Variants in DOCK4 observed in about 807,000 individuals in gnomAD.
DOCK4 encodes dedicator of cytokinesis protein 4.
Under a neutral mutation model 268.1 loss-of-function variants are expected in DOCK4, and 97 were observed. The ratio of observed to expected loss-of-function variants is 0.36; its 90% CI spans 0.31 to 0.43. The LOEUF (loss-of-function observed/expected upper bound fraction) is 0.43, where lower values mean the gene tolerates loss of function less well. Among genes scored for constraint, DOCK4 ranks in the 20% least tolerant of loss-of-function variants. The pLI, the probability that DOCK4 is intolerant of heterozygous loss-of-function variation, is 1.00. For synonymous variants in DOCK4, 954 were observed against 887.2 expected, an observed-to-expected ratio of 1.08 and a Z score of -1.34; for missense variants, 2,145 against 2,455.7, an observed-to-expected ratio of 0.87 and a Z score of 2.67.
At chr7:112,195,641 C>T (rs903237562) in intron 1 of DOCK4, among the ~76,000 whole-genome samples, 5 of 151,940 alleles carry the variant, frequency 3.3e-5, no homozygotes, top group Admixed American at 6.6e-5. Context: ...TGCATCCCCA[C>T]GTTCCCAAAC....
intron 13 of DOCK4, among the ~76,000 whole-genome samples, chr7:111,913,000 G>C (rs920865294): frequency 3.4e-5 from 5 of 145,040 alleles, no homozygotes. Context: ...TTTCGTTCTT[G>C]TTGCCCAGGC....
At chr7:111,794,742 A>T (rs181910173) in intron 30 of DOCK4, among the ~76,000 whole-genome samples, 244 of 152,284 alleles carry the variant, frequency 1.6e-3, no homozygotes, top group Non-Finnish European at 2.7e-3. Context: ...CTTACAGAGA[A>T]GGCAGCTAAA....
At chr7:111,784,639 C>T (rs778171543) in intron 32 of DOCK4, among the ~76,000 whole-genome samples, 2 of 152,124 alleles carry the variant, frequency 1.3e-5, no homozygotes, top group African/African-American at 4.8e-5. Context: ...CTACATTTCC[C>T]CTAATCCTAA....
intron 30 of DOCK4, among the ~76,000 whole-genome samples, chr7:111,793,902 G>T (rs181702738): frequency 1.3e-5 from 2 of 152,252 alleles, no homozygotes; most frequent in Non-Finnish European, 2.9e-5. Flanking sequence ...CAGAAGTTCA[G>T]TGTGGCAGGG....
chr7:112,129,606 T>C (rs1813607932), intron 1 of DOCK4, among the ~76,000 whole-genome samples: 2 of 152,202 alleles, frequency 1.3e-5, no homozygotes, highest in South Asian at 4.1e-4. Context: ...TTGATATAAC[T>C]GTATAAGATG....
At chr7:112,181,639 C>CAAAAAAAAAAAAAAAAAAAAA (rs55807955) in intron 1 of DOCK4, among the ~76,000 whole-genome samples, 3 of 65,370 alleles carry the variant, frequency 4.6e-5, no homozygotes, top group Admixed American at 2.1e-4. Flanking sequence ...GACACTGTCT[C>CAAAAAAAAAAAAAAAAAAAAA]AAAAAAAAAA....
At chr7:112,078,224 C>G (rs1294048794) in intron 1 of DOCK4, among the ~76,000 whole-genome samples, 2 of 152,092 alleles carry the variant, frequency 1.3e-5, no homozygotes, top group Non-Finnish European at 2.9e-5. Context: ...TAGTTTACAT[C>G]TAAATCTGAG....
intron 1 of DOCK4, among the ~76,000 whole-genome samples, chr7:112,148,930 T>C (rs987045103): frequency 1.3e-5 from 2 of 152,206 alleles, no homozygotes; most frequent in African/African-American, 2.4e-5. Flanking sequence ...GCTACGATAA[T>C]GCGCCAATAG....
In DOCK4 at chr7:111,918,903, C is replaced by A. The variant is rs956270793; in HGVS notation, c.1067-2999G>T. On this transcript the variant is annotated intron_variant, in intron 12 of 52. Coordinates refer to ENST00000428084, the MANE Select transcript of DOCK4 (RefSeq NM_001363540.2). Reference sequence around the variant, plus strand: ...ATTTTTGCAAGTGAAGATCATTTTACTGGGGCTTCTCAATGAATGATCTGA... The same window carrying A: ...ATTTTTGCAAGTGAAGATCATTTTAATGGGGCTTCTCAATGAATGATCTGA... 3.3e-5 allele frequency among the ~76,000 whole-genome samples: 5 copies of A among 152,112 alleles called. No individual in the cohort carries two copies. The South Asian group carries it at 1.0e-3, about 32-fold the overall frequency.
intron 1 of DOCK4, among the ~76,000 whole-genome samples, chr7:112,063,198 GA>G (rs1806592835): frequency 1.3e-5 from 2 of 152,174 alleles, no homozygotes; most frequent in African/African-American, 2.4e-5. Context: ...AGACCATCCT[GA>G]AGATTAAAGC....
At chr7:112,125,871 T>C (rs973453133) in intron 1 of DOCK4, among the ~76,000 whole-genome samples, 1 of 152,144 alleles carries the variant, frequency 6.6e-6, no homozygotes, top group Non-Finnish European at 1.5e-5. Flanking sequence ...TACTGTGGCG[T>C]GATCATGGCT....
rs1806510939 is a variant in DOCK4, at chr7:111,872,510, C to G, written c.1799G>C (p.Cys600Ser). 3 of 1,604,466 alleles carry G rather than the reference C, an allele frequency of 1.9e-6. No individual in the cohort carries two copies. The highest frequency in any genetic ancestry group is 1.3e-5 in the African/African-American group (1 of 74,946). The change falls in exon 18 of 53, where the codon TGT becomes TCT. Residue 600 changes from cysteine (C) to serine (S), a missense_variant. Physicochemically the swap from Cys to Ser is moderately radical, Grantham distance 112 (BLOSUM62 -1). This residue lies in a region of DOCK4 where 1,598 missense variants were observed against 1,986.7 expected (regional missense o/e 0.80). Transcript: ENST00000428084. ...ATCAATTTCTTTTAATTTAGAGAGACAGCCAGTGATCTTGTCTGGGTGGGT... is the reference window on the plus strand; with the variant it reads ...ATCAATTTCTTTTAATTTAGAGAGAGAGCCAGTGATCTTGTCTGGGTGGGT... Reference protein sequence around the residue: ...WRTHPDKITGCLSKLKEIDGS... With the variant: ...WRTHPDKITGSLSKLKEIDGS...
chr7:112,190,688 T>A (rs911553521), intron 1 of DOCK4, among the ~76,000 whole-genome samples: 3 of 150,800 alleles, frequency 2.0e-5, no homozygotes, highest in East Asian at 3.9e-4. Context: ...AAAAAAAAAA[T>A]TAAAGATTTT....
intron 42 of DOCK4, 108 bp downstream of exon 42, chr7:111,755,407 G>T: frequency 9.9e-7 from 1 of 1,008,996 alleles, no homozygotes; most frequent in Non-Finnish European, 1.5e-6. Flanking sequence ...ATTTTACTAT[G>T]AGTGCTTCCA....
intron 8 of DOCK4, among the ~76,000 whole-genome samples, chr7:111,964,525 A>C (rs1797226774): frequency 8.3e-6 from 1 of 120,756 alleles, no homozygotes; most frequent in Admixed American, 8.7e-5. Flanking sequence ...AAAAGAAATG[A>C]GCAAAGCCTC....
chr7:111,801,069 G>C (rs1291981523), intron 30 of DOCK4, among the ~76,000 whole-genome samples: 1 of 152,156 alleles, frequency 6.6e-6, no homozygotes, highest in Non-Finnish European at 1.5e-5. Flanking sequence ...TAAAAACTAG[G>C]TTCATCTGAC....
intron 8 of DOCK4, among the ~76,000 whole-genome samples, chr7:111,959,929 A>G (rs1347804112): frequency 2.6e-5 from 4 of 152,216 alleles, no homozygotes; most frequent in African/African-American, 9.6e-5. Context: ...ATGCACTAGC[A>G]ATTTCAGACG....
intron 12 of DOCK4, among the ~76,000 whole-genome samples, chr7:111,934,449 A>C (rs1296077019): frequency 6.6e-6 from 1 of 151,286 alleles, no homozygotes; most frequent in Non-Finnish European, 1.5e-5. Flanking sequence ...TCAATGTGTG[A>C]ACCTGTATGT....
At chr7:111,838,863 T>G (rs1447372222) in intron 25 of DOCK4, among the ~76,000 whole-genome samples, 1 of 152,220 alleles carries the variant, frequency 6.6e-6, no homozygotes, top group Non-Finnish European at 1.5e-5. Context: ...TCATTTATTT[T>G]ATGTCAATTA....
Sources: gnomAD v4.1 joint callset for allele counts (sites outside exome capture counted in the v4.1 genomes callset) on GRCh38, gnomAD v4.1.1 for gene constraint, gnomAD v4.1.1 regional missense constraint, MANE v1.5 for transcripts, NCBI Gene and HGNC (gene_info 2026-07-23, HGNC 2026-07-21) for gene names.